The following ST18 variants were observed in gnomAD, a reference collection of about 807,000 sequenced individuals.
The protein encoded by ST18 is suppression of tumorigenicity 18 protein.
ST18 carries 50 observed loss-of-function variants against 110.0 expected under a neutral mutation model. The observed-to-expected ratio is 0.45, with a 90% CI of 0.36 to 0.58. The LOEUF (loss-of-function observed/expected upper bound fraction) is 0.58, where lower values mean the gene tolerates loss of function less well. Among genes scored for constraint, ST18 ranks in the 20% least tolerant of loss-of-function variants. ST18 has a pLI of 0.00. For missense variants in ST18, 1,306 were observed against 1,280.1 expected, an observed-to-expected ratio of 1.02 and a Z score of -0.31; for synonymous variants, 461 against 452.4, an observed-to-expected ratio of 1.02 and a Z score of -0.24.
At chr8:52,250,239 C>G (rs911390604) in intron 2 of ST18, among the ~76,000 whole-genome samples, 4 of 151,680 alleles carry the variant, frequency 2.6e-5, no homozygotes, top group Non-Finnish European at 4.4e-5. Context: ...ATTTCGCACA[C>G]TAATTTAATC....
intron 2 of ST18, among the ~76,000 whole-genome samples, chr8:52,312,265 G>A (rs545231836): frequency 1.3e-5 from 2 of 152,168 alleles, no homozygotes; most frequent in Non-Finnish European, 2.9e-5. Flanking sequence ...GATGTGGAGA[G>A]GGGGCACCCA....
intron 5 of ST18, among the ~76,000 whole-genome samples, chr8:52,219,469 T>C (rs77130252): frequency 6.6e-6 from 1 of 152,362 alleles, no homozygotes; most frequent in African/African-American, 2.4e-5. Context: ...TTTCATCTTT[T>C]ATTTGCACAC....
chr8:52,257,796 C>T (rs1007451199), intron 2 of ST18, among the ~76,000 whole-genome samples: 2 of 151,696 alleles, frequency 1.3e-5, no homozygotes, highest in Non-Finnish European at 2.9e-5. Context: ...TGATGAAGTC[C>T]AATTTATATG....
Position 52,136,625 on chromosome 8 carries a change from T to G in ST18, c.2265A>C (p.Leu755=). The G allele has an allele frequency of 6.2e-7, 1 of 1,611,354 alleles. No homozygotes were observed. Among genetic ancestry groups the G allele is most frequent in the East Asian group, 2.2e-5 (1 of 44,852 alleles). ...VSGCPLADKT[L]KSLMAANSQE... ...GAGAGTTGGCAGCCATGAGGGATTT[T>G]AGAGTCTTATCTGCTAAAGGACATC... Residue 755 remains leucine (L), a synonymous_variant, in exon 19 of 26, where the codon CTA becomes CTC. Transcript: ENST00000689386.
Position 52,159,053 on chromosome 8 carries a change from G to A in ST18, c.1651C>T (p.His551Tyr). The change falls in exon 15 of 26, where the codon CAC (histidine) becomes TAC (tyrosine). Residue 551 changes from histidine to tyrosine, a missense_variant. His to Tyr is a moderately conservative substitution (Grantham distance 83). Transcript: ENST00000689386. The part of the protein sequence containing the change: ...FPNRLPSAGA[H>Y]TQSPGRASSY... ...CTGGCACGGCCAGGGCTCTGGGTGT[G>A]GGCGCCTGCACTAGGCAGTCGATTA... 6.2e-7 allele frequency: 1 copy of A among 1,614,144 alleles called. No individual in the cohort carries two copies. The highest frequency in any genetic ancestry group is 8.5e-7 in the Non-Finnish European group (1 of 1,180,026).
At chr8:52,325,013 T>G (rs924942193) in intron 2 of ST18, among the ~76,000 whole-genome samples, 3 of 152,232 alleles carry the variant, frequency 2.0e-5, no homozygotes, top group Non-Finnish European at 4.4e-5. Flanking sequence ...GATGGAGGAA[T>G]TAATTTTTCA....
chr8:52,158,885 T>A lies in ST18; in HGVS notation c.1806+13A>T, dbSNP rs774453687. The A allele has an allele frequency of 8.1e-6, 13 of 1,613,932 alleles. No homozygotes were observed. The South Asian group carries it at 1.3e-4, about 16-fold the overall frequency. On this transcript the variant is annotated intron_variant, in intron 15 of 25. Coordinates refer to ENST00000689386, the MANE Select transcript of ST18 (RefSeq NM_001352837.2). ...GTCGCTGGCCCACCCTCCGGGCTCT[T>A]GGACTGGCCTACCTTGGCATGCAGA...
At chr8:52,344,397 A>C (rs1193480294) in intron 2 of ST18, among the ~76,000 whole-genome samples, 1 of 86,710 alleles carries the variant, frequency 1.2e-5, no homozygotes, top group Non-Finnish European at 2.2e-5. Context: ...GCCCCCTACA[A>C]TAATAGCCTT....
chr8:52,309,458 T>C (rs1413479180), intron 2 of ST18, among the ~76,000 whole-genome samples: 1 of 147,518 alleles, frequency 6.8e-6, no homozygotes, highest in Non-Finnish European at 1.5e-5. Flanking sequence ...GAAGTGGAGT[T>C]TGCAGTGAGC....
In ST18 at chr8:52,384,815, A is replaced by G. The variant is rs200261732; in HGVS notation, c.-465+24513T>C. On this transcript the variant is annotated intron_variant, in intron 2 of 25. Transcript: ENST00000689386. ...TGTGTGTGTGTGTGTGTGTGTGTGT[A>G]TCTATCACCATCACTAGGCCCCTTA... Among the ~76,000 whole-genome samples, 506 of 113,264 alleles carry G rather than the reference A, an allele frequency of 4.5e-3. 5 individuals are homozygous for G. Among genetic ancestry groups the G allele is most frequent in the African/African-American group, 0.015 (487 of 32,136 alleles). 74.3% of individuals were successfully genotyped at this position (113,264 alleles called of 152,430 possible).
intron 9 of ST18, among the ~76,000 whole-genome samples, chr8:52,178,264 A>G (rs2067695517): frequency 6.6e-6 from 1 of 152,190 alleles, no homozygotes. Context: ...ATTATACTGC[A>G]AGTCTAACCA....
At chr8:52,350,164 G>T (rs567580107) in intron 2 of ST18, among the ~76,000 whole-genome samples, 48 of 152,196 alleles carry the variant, frequency 3.2e-4, no homozygotes, top group African/African-American at 1.0e-3. Context: ...AAAGTGTGTG[G>T]GTTAAAATAT....
chr8:52,259,396 T>A lies in ST18; in HGVS notation c.-464-29319A>T, dbSNP rs897801308. ...AGACATAAGTTTATTGCCTGCCCAC[T>A]TCATACTTGCAATATTTAATCTCTA... On this transcript the variant is annotated intron_variant, in intron 2 of 25. Coordinates refer to ENST00000689386, the MANE Select transcript of ST18 (RefSeq NM_001352837.2). 2.6e-4 allele frequency among the ~76,000 whole-genome samples: 40 copies of A among 152,320 alleles called. 1 individual carries two copies. The highest frequency in any genetic ancestry group is 4.4e-5 in the Non-Finnish European group (3 of 68,030).
intron 10 of ST18, among the ~76,000 whole-genome samples, chr8:52,170,282 C>T (rs1230408566): frequency 6.6e-6 from 1 of 152,082 alleles, no homozygotes; most frequent in African/African-American, 2.4e-5. Flanking sequence ...ACGGGGAAAC[C>T]CCGTCTCTAC....
At chr8:52,336,331 A>G (rs902871704) in intron 2 of ST18, among the ~76,000 whole-genome samples, 4 of 152,180 alleles carry the variant, frequency 2.6e-5, no homozygotes, top group Non-Finnish European at 5.9e-5. Flanking sequence ...TTCTATTTGC[A>G]GTAGAGATGG....
rs551060800 is a variant in ST18, at chr8:52,116,332, C to G, written c.2946G>C (p.Leu982=). The G allele has an allele frequency of 3.1e-6, 5 of 1,614,002 alleles. No homozygotes were observed. In the African/African-American group the frequency reaches 6.7e-5, roughly 22 times the overall value. The change falls in exon 25 of 26, where the codon CTG becomes CTC. Residue 982 remains leucine, a synonymous_variant. Transcript: ENST00000689386. ...EQNNESLLKE[L]AGLSQALISS... ...AAATGAGAGCTTGGCTTAGACCTGC[C>G]AGCTCTTTCAGCAGACTTTCATTGT... is the stretch of plus-strand genomic sequence containing the variant.
intron 2 of ST18, among the ~76,000 whole-genome samples, chr8:52,233,985 A>T (rs1048510401): frequency 6.6e-6 from 1 of 152,152 alleles, no homozygotes; most frequent in Non-Finnish European, 1.5e-5. Flanking sequence ...ACTTTGACTA[A>T]CATCTCCCCA....
intron 5 of ST18, among the ~76,000 whole-genome samples, chr8:52,219,257 G>T: frequency 6.6e-6 from 1 of 152,192 alleles, no homozygotes; most frequent in East Asian, 1.9e-4. Flanking sequence ...GACTTGTGGA[G>T]AGGAGTACTA....
At chr8:52,360,238 A>G (rs1001307494) in intron 2 of ST18, among the ~76,000 whole-genome samples, 1 of 152,076 alleles carries the variant, frequency 6.6e-6, no homozygotes, top group African/African-American at 2.4e-5. Context: ...CAAATTTCAG[A>G]GAATTGGCAT....
Sources: gnomAD v4.1 joint callset for allele counts (sites outside exome capture counted in the v4.1 genomes callset) on GRCh38, gnomAD v4.1.1 for gene constraint, MANE v1.5 for transcripts, NCBI Gene and HGNC (gene_info 2026-07-23, HGNC 2026-07-21) for gene names.